TAF5L: variants seen among roughly 807,000 people sequenced by gnomAD.
TAF5L encodes TATA-box binding protein associated factor 5 like, also known as TAF5-like RNA polymerase II p300/CBP-associated factor-associated factor 65 kDa subunit 5L.
TAF5L carries 7 observed loss-of-function variants against 51.3 expected under a neutral mutation model. The ratio of observed to expected loss-of-function variants is 0.14; its 90% CI spans 0.08 to 0.26. The LOEUF (loss-of-function observed/expected upper bound fraction) is 0.26, where lower values mean the gene tolerates loss of function less well. TAF5L is among the 10% of genes least tolerant of loss of function. The pLI is 1.00. For missense variants in TAF5L, 575 were observed against 758.9 expected, an observed-to-expected ratio of 0.76 and a Z score of 2.85; for synonymous variants, 291 against 308.1, an observed-to-expected ratio of 0.94 and a Z score of 0.58.
Position 229,598,789 on chromosome 1 carries a change from C to T in TAF5L, c.972+3406G>A, listed in dbSNP as rs148042115. Among the ~76,000 whole-genome samples the T allele has an allele frequency of 4.9e-3, 741 of 151,438 alleles. 4 individuals are homozygous for T. Among genetic ancestry groups the T allele is most frequent in the Non-Finnish European group, 7.0e-3 (478 of 67,932 alleles). ...TCTCAGCTCACTGCAACCCCTGCTG[C>T]CTGGGTTCAAGTGATTCTCCTGCCT... On this transcript the variant is annotated intron_variant, in intron 4 of 4. Transcript: ENST00000258281.
Position 229,602,875 on chromosome 1 carries a change from G to T in TAF5L, c.292C>A (p.Pro98Thr). 6.2e-7 allele frequency: 1 copy of T among 1,607,406 alleles called. No individual in the cohort carries two copies. ...TTGAGATGGAGGTAGACAAAGAGAG[G>T]ATAGAGGAGAGGCATCACTTCGTGG... The change falls in exon 4 of 5, where the codon CCT becomes ACT. Residue 98 changes from proline to threonine, a missense_variant. By Grantham distance (38) the Pro-to-Thr change is conservative (BLOSUM62 -1). Around this residue, in one of 3 missense-constraint regions of TAF5L, gnomAD observed 380 missense variants for 443.7 expected, o/e 0.86. Coordinates refer to ENST00000258281, the Ensembl canonical transcript of TAF5L. The surrounding 1 kb of genome is among the most constrained non-coding windows in gnomAD (Gnocchi z 4.6).
In TAF5L at chr1:229,594,270, C is replaced by A; in HGVS notation, c.*27G>T. ...CAACTGGAGGCTTTCCACTGTTACC[C>A]CAGTCCGTTCCAACAAAGTTAAAAA... On this transcript the variant is annotated 3_prime_UTR_variant, in exon 5 of 5. Coordinates refer to ENST00000258281, the Ensembl canonical transcript of TAF5L. The surrounding 1 kb of genome is among the most constrained non-coding windows in gnomAD (Gnocchi z 7.9). 6.3e-7 allele frequency: 1 copy of A among 1,584,652 alleles called. No individual in the cohort carries two copies. The highest frequency in any genetic ancestry group is 8.6e-7 in the Non-Finnish European group (1 of 1,163,726).
chr1:229,618,673 A>C (rs1665093187), intron 1 of TAF5L, among the ~76,000 whole-genome samples: 1 of 152,206 alleles, frequency 6.6e-6, no homozygotes, highest in African/African-American at 2.4e-5. Context: ...GAACCCAGGC[A>C]TCCTCTTAAG....
At chr1:229,596,224 T>G (rs1165417680) in intron 4 of TAF5L, among the ~76,000 whole-genome samples, 3 of 152,032 alleles carry the variant, frequency 2.0e-5, no homozygotes, top group Non-Finnish European at 4.4e-5. Context: ...CAGTGAACTG[T>G]GATGGCACCA....
intron 4 of TAF5L, chr1:229,600,776 G>T (rs753901009): frequency 1.2e-4 from 115 of 985,274 alleles, no homozygotes; most frequent in Non-Finnish European, 1.4e-4. Context: ...CTAGTTACCA[G>T]TAGTGGCCAG....
chr1:229,610,520 T>G (rs1039557785), intron 2 of TAF5L, among the ~76,000 whole-genome samples: 1 of 152,220 alleles, frequency 6.6e-6, no homozygotes, highest in African/African-American at 2.4e-5. Flanking sequence ...TGATCCTATG[T>G]TCTGACATTT....
chr1:229,599,479 C>T (rs1664281607), intron 4 of TAF5L: 1 of 155,712 alleles, frequency 6.4e-6, no homozygotes, highest in Non-Finnish European at 1.4e-5. Flanking sequence ...CCACTCCTCT[C>T]CTCTCTGTCT....
In TAF5L at chr1:229,625,310, G is replaced by A. The variant is rs1665404445; in HGVS notation, c.-4+575C>T. Among the ~76,000 whole-genome samples the A allele has an allele frequency of 6.6e-6, 1 of 152,144 alleles. No homozygotes were observed. The highest frequency in any genetic ancestry group is 2.4e-5 in the African/African-American group (1 of 41,442). On this transcript the variant is annotated intron_variant, in intron 1 of 4. Transcript: ENST00000258281. This position sits in a 1 kb window ranked among gnomAD's most constrained non-coding sequence, Gnocchi z 4.0. The stretch of plus-strand genomic sequence containing the variant: ...CACCAACCTTACCTTGCTGTCATGA[G>A]GCAACGAGCCCCGAGAGACACCCTT...
intron 4 of TAF5L, among the ~76,000 whole-genome samples, chr1:229,596,588 T>C (rs1664137319): frequency 6.6e-6 from 1 of 152,230 alleles, no homozygotes; most frequent in Non-Finnish European, 1.5e-5. Context: ...AATAATTTCC[T>C]GTGTGTGACG....
chr1:229,612,281 T>C (rs867570907), intron 2 of TAF5L, among the ~76,000 whole-genome samples: 12 of 152,264 alleles, frequency 7.9e-5, no homozygotes, highest in African/African-American at 2.7e-4. Context: ...AGCTATTCTA[T>C]TGAAACTAAG....
chr1:229,602,860 G>C lies in TAF5L; in HGVS notation c.307C>G (p.Leu103Val). 1 of 1,609,738 alleles carries C rather than the reference G, an allele frequency of 6.2e-7. No individual in the cohort carries two copies. Among genetic ancestry groups the C allele is most frequent in the Non-Finnish European group, 8.5e-7 (1 of 1,180,006 alleles). Reference sequence around the variant, plus strand: ...CTGTTTTGGACCAGGTTGAGATGGAGGTAGACAAAGAGAGGATAGAGGAGA... The same window carrying C: ...CTGTTTTGGACCAGGTTGAGATGGACGTAGACAAAGAGAGGATAGAGGAGA... The change falls in exon 4 of 5, where the codon CTC (leucine) becomes GTC (valine). Residue 103 changes from leucine to valine, a missense_variant. This residue lies in a region of TAF5L where 380 missense variants were observed against 443.7 expected (regional missense o/e 0.86). Coordinates refer to ENST00000258281, the Ensembl canonical transcript of TAF5L. This position sits in a 1 kb window ranked among gnomAD's most constrained non-coding sequence, Gnocchi z 4.6.
At chr1:229,607,427 A>G in intron 3 of TAF5L, 1 of 985,430 alleles carries the variant, frequency 1.0e-6, no homozygotes, top group Non-Finnish European at 1.2e-6. Context: ...CATTCACAAC[A>G]AAGCCTTAGT....
At chr1:229,600,833 T>C in intron 4 of TAF5L, 1 of 985,176 alleles carries the variant, frequency 1.0e-6, no homozygotes. Flanking sequence ...GATGTCATAA[T>C]GCTATCTTCT....
chr1:229,612,212 A>T (rs534766644), intron 2 of TAF5L, among the ~76,000 whole-genome samples: 1 of 152,242 alleles, frequency 6.6e-6, no homozygotes, highest in South Asian at 2.1e-4. Flanking sequence ...TCTGATAATC[A>T]TATTTCATGT....
At chr1:229,617,737 C>T (rs1338042986) in intron 1 of TAF5L, among the ~76,000 whole-genome samples, 2 of 152,062 alleles carry the variant, frequency 1.3e-5, no homozygotes, top group East Asian at 3.9e-4. Context: ...GTAAACAGAA[C>T]GGAGTAAGAA....
At chr1:229,622,429 A>G (rs760000526) in intron 1 of TAF5L, among the ~76,000 whole-genome samples, 2 of 152,098 alleles carry the variant, frequency 1.3e-5, no homozygotes, top group Non-Finnish European at 1.5e-5. Flanking sequence ...ACTTGAAGAT[A>G]ATTTTTAAGA....
Position 229,614,726 on chromosome 1 carries a change from A to AT in TAF5L, c.-3-242dup, listed in dbSNP as rs1186699279. On this transcript the variant is annotated intron_variant, in intron 1 of 4. Transcript: ENST00000258281. ...ATTACAGAAAATAGGAAAAGCATCG[A>AT]TAATAAAGTCCTTAGATCACCCCCA... 2.6e-5 allele frequency among the ~76,000 whole-genome samples: 4 copies of AT among 152,348 alleles called. No homozygotes were observed. In the East Asian group the frequency reaches 7.7e-4, roughly 29 times the overall value.
chr1:229,624,497 T>G (rs376464451), intron 1 of TAF5L, among the ~76,000 whole-genome samples: 19 of 152,226 alleles, frequency 1.2e-4, no homozygotes, highest in African/African-American at 3.6e-4. Flanking sequence ...TTCATACACA[T>G]CATTCTTTTT....
At chr1:229,607,281 T>C (rs565168966) in intron 3 of TAF5L, 2 of 985,402 alleles carry the variant, frequency 2.0e-6, no homozygotes, top group South Asian at 4.7e-5. Context: ...GCTGTCAAAT[T>C]CTGGTCCTTT....
Sources: allele counts gnomAD v4.1 joint callset (sites outside exome capture counted in the v4.1 genomes callset), GRCh38; gene constraint gnomAD v4.1.1; regional missense constraint gnomAD v4.1.1; non-coding constraint Gnocchi (gnomAD v3.1); transcripts MANE v1.5; gene names NCBI Gene and HGNC (gene_info 2026-07-23, HGNC 2026-07-21).